The following CYB5R4 variants were observed in gnomAD, a reference collection of about 807,000 sequenced individuals.
The protein encoded by CYB5R4 is N-terminal cytochrome b5 and cytochrome b5 oxidoreductase domain-containing protein.
CYB5R4 carries 55 observed loss-of-function variants against 70.2 expected under a neutral mutation model. The observed-to-expected ratio is 0.78, with a 90% CI of 0.63 to 0.98. CYB5R4 has a LOEUF of 0.98. CYB5R4 is among the 50% of genes least tolerant of loss of function. CYB5R4 has a pLI of 0.00. For synonymous variants in CYB5R4, 197 were observed against 199.5 expected, an observed-to-expected ratio of 0.99 and a Z score of 0.11; for missense variants, 562 against 612.6, an observed-to-expected ratio of 0.92 and a Z score of 0.87.
At chr6:83,891,380 G>A (rs1315174027) in intron 2 of CYB5R4, among the ~76,000 whole-genome samples, 2 of 152,136 alleles carry the variant, frequency 1.3e-5, no homozygotes, top group African/African-American at 4.8e-5. Context: ...CGAAGAAAAA[G>A]CATAAAGTTT....
At chr6:83,907,494 TA>T (rs1435181413) in intron 3 of CYB5R4, among the ~76,000 whole-genome samples, 2 of 151,714 alleles carry the variant, frequency 1.3e-5, no homozygotes, top group Non-Finnish European at 2.9e-5. Context: ...TTTTAACTTT[TA>T]TTTTAGGTTC....
At chr6:83,893,661 A>C in intron 3 of CYB5R4, 39 bp downstream of exon 3, 1 of 1,162,698 alleles carries the variant, frequency 8.6e-7, no homozygotes. Context: ...TTCCGGTGGA[A>C]GAGTACTCAG....
At chr6:83,949,240 C>G (rs957161257) in intron 14 of CYB5R4, among the ~76,000 whole-genome samples, 2 of 150,794 alleles carry the variant, frequency 1.3e-5, no homozygotes, top group African/African-American at 4.9e-5. Context: ...TGATGTAAAA[C>G]ATAGGAGAAC....
intron 4 of CYB5R4, among the ~76,000 whole-genome samples, chr6:83,909,334 A>C (rs190561658): frequency 1.6e-4 from 24 of 152,272 alleles, no homozygotes; most frequent in Admixed American, 3.9e-4. Context: ...CTTAGGGTTG[A>C]TTTTTAGATT....
chr6:83,924,780 T>C (rs961393841), intron 10 of CYB5R4, among the ~76,000 whole-genome samples, 188 bp downstream of exon 10: 1 of 152,178 alleles, frequency 6.6e-6, no homozygotes, highest in Non-Finnish European at 1.5e-5. Flanking sequence ...AATTTCAGAC[T>C]CTACTATCTA....
At chr6:83,867,663 C>T (rs138240258) in intron 2 of CYB5R4, among the ~76,000 whole-genome samples, 3 of 152,172 alleles carry the variant, frequency 2.0e-5, no homozygotes, top group African/African-American at 7.2e-5. Context: ...AGCACGATCC[C>T]AATGAAACTA....
chr6:83,934,300 AT>A (rs532701265), intron 10 of CYB5R4, among the ~76,000 whole-genome samples: 24 of 151,960 alleles, frequency 1.6e-4, no homozygotes, highest in Non-Finnish European at 2.5e-4. Context: ...AAATTAGGTT[AT>A]TTTTTATAAC....
At chr6:83,917,768 C>G (rs188166594) in intron 5 of CYB5R4, among the ~76,000 whole-genome samples, 1 of 152,166 alleles carries the variant, frequency 6.6e-6, no homozygotes, top group Admixed American at 6.5e-5. Flanking sequence ...ACATGTTACT[C>G]TTGAGGCAGG....
intron 2 of CYB5R4, among the ~76,000 whole-genome samples, chr6:83,870,803 A>G (rs1475300532): frequency 2.0e-5 from 3 of 152,014 alleles, no homozygotes; most frequent in Admixed American, 1.3e-4. Flanking sequence ...GCTTTTAGAC[A>G]TTCAAAGACA....
At chr6:83,883,197 A>T (rs187118350) in intron 2 of CYB5R4, among the ~76,000 whole-genome samples, 24 of 152,312 alleles carry the variant, frequency 1.6e-4, no homozygotes, top group Non-Finnish European at 1.5e-5. Context: ...GAGGAAAATT[A>T]TCAGAAATAA....
In CYB5R4 at chr6:83,963,172, G is replaced by A. The variant is rs1348074328; in HGVS notation, c.*3294G>A. 6.6e-6 allele frequency: 1 copy of A among 152,180 alleles called. No individual in the cohort carries two copies. Among genetic ancestry groups the A allele is most frequent in the Non-Finnish European group, 1.5e-5 (1 of 68,048 alleles). The allele number at this position is 152,180 out of a possible 1,614,324, so 9.4% of individuals were successfully genotyped here. A position where few individuals can be genotyped will look rare whatever the true frequency, so the allele number is the denominator to read the frequency against. ...TGTTGACATCTTTGATGGGCACATT[G>A]TGTCTACCACAGGCTATAGAAAGAA... On this transcript the variant is annotated 3_prime_UTR_variant, in exon 16 of 16. Coordinates refer to ENST00000369681, the MANE Select transcript of CYB5R4 (RefSeq NM_016230.4).
At chr6:83,893,488 A>C (rs377094844) in intron 2 of CYB5R4, 34 bp from the exon 3 acceptor site, 3 of 1,291,248 alleles carry the variant, frequency 2.3e-6, no homozygotes, top group Non-Finnish European at 3.3e-6. Flanking sequence ...TGAGAAGTTC[A>C]TTTAGGATAT....
intron 14 of CYB5R4, among the ~76,000 whole-genome samples, 176 bp downstream of exon 14, chr6:83,940,777 A>G (rs1298676059): frequency 2.0e-5 from 3 of 152,118 alleles, no homozygotes; most frequent in African/African-American, 7.2e-5. Flanking sequence ...TCAAAGAAAC[A>G]CTGTCTGGCA....
chr6:83,900,566 G>A (rs1180924941), intron 3 of CYB5R4, among the ~76,000 whole-genome samples: 1 of 151,700 alleles, frequency 6.6e-6, no homozygotes, highest in Non-Finnish European at 1.5e-5. Flanking sequence ...TGACAGTAGG[G>A]TGTTAAAGTC....
chr6:83,915,715 ATCTG>A (rs1489168503), intron 5 of CYB5R4, among the ~76,000 whole-genome samples: 1 of 152,152 alleles, frequency 6.6e-6, no homozygotes, highest in Non-Finnish European at 1.5e-5. Flanking sequence ...ATTGGAACAT[ATCTG>A]TCTATCTATA....
chr6:83,902,008 G>T (rs529472040), intron 3 of CYB5R4, among the ~76,000 whole-genome samples: 25 of 152,118 alleles, frequency 1.6e-4, no homozygotes, highest in African/African-American at 5.8e-4. Context: ...CCTTTGCTGT[G>T]TAGAAACTTT....
chr6:83,924,382 C>A, intron 9 of CYB5R4, 88 bp from the exon 10 acceptor site: 2 of 1,355,946 alleles, frequency 1.5e-6, no homozygotes, highest in Non-Finnish European at 2.0e-6. Context: ...TAGATCAGGA[C>A]ACTTGTACTA....
intron 2 of CYB5R4, among the ~76,000 whole-genome samples, chr6:83,875,259 T>G (rs1184462813): frequency 6.6e-6 from 1 of 151,578 alleles, no homozygotes; most frequent in East Asian, 1.9e-4. Context: ...TGTGCAAAAC[T>G]TTTTATTTTT....
chr6:83,929,786 T>C (rs2099467878), intron 10 of CYB5R4, among the ~76,000 whole-genome samples: 1 of 152,160 alleles, frequency 6.6e-6, no homozygotes, highest in Non-Finnish European at 1.5e-5. Flanking sequence ...ATATGGAGTC[T>C]TGGATCACCA....
Sources: allele counts gnomAD v4.1 joint callset (sites outside exome capture counted in the v4.1 genomes callset), GRCh38; gene constraint gnomAD v4.1.1; transcripts MANE v1.5; gene names NCBI Gene and HGNC (gene_info 2026-07-23, HGNC 2026-07-21).